Variants in NCOA6 observed in about 807,000 individuals in gnomAD.
NCOA6 encodes nuclear receptor coactivator 6, also known as NRC RAP250.
A neutral mutation model predicts 171.4 loss-of-function variants in NCOA6; 49 were observed. That is an observed-to-expected ratio of 0.29 (90% CI 0.23 to 0.36). The LOEUF (loss-of-function observed/expected upper bound fraction) is 0.36, where lower values mean the gene tolerates loss of function less well. Ranked by LOEUF, NCOA6 falls within the 10% of genes least tolerant of loss-of-function variation. The pLI is 1.00. For missense variants in NCOA6, 2,248 were observed against 2,554.5 expected, an observed-to-expected ratio of 0.88 and a Z score of 2.59; for synonymous variants, 910 against 927.5, an observed-to-expected ratio of 0.98 and a Z score of 0.34.
rs1368181498 is a variant in NCOA6, at chr20:34,804,648, A to C, written c.-163-12085T>G. Among the ~76,000 whole-genome samples, 11 of 152,088 alleles carry C rather than the reference A, an allele frequency of 7.2e-5. No individual in the cohort carries two copies. In the East Asian group the frequency reaches 2.1e-3, roughly 29 times the overall value. On this transcript the variant is annotated intron_variant, in intron 1 of 14. Transcript: ENST00000359003. ...ATATTTAACATCATGAGCAATATTT[A>C]TATTTTAAATATAAAATATATAAAA... is the stretch of plus-strand genomic sequence containing the variant.
intron 14 of NCOA6, among the ~76,000 whole-genome samples, chr20:34,717,837 C>G (rs533855251): frequency 6.6e-6 from 1 of 152,336 alleles, no homozygotes; most frequent in Non-Finnish European, 1.5e-5. Flanking sequence ...TGTTCATCCT[C>G]AGCAAAACAT....
At chr20:34,822,702 CACAGT>C (rs1406256324) in intron 1 of NCOA6, among the ~76,000 whole-genome samples, 1 of 152,168 alleles carries the variant, frequency 6.6e-6, no homozygotes, top group Non-Finnish European at 1.5e-5. Flanking sequence ...TGCCTTGAGG[CACAGT>C]AAACGTTTGC....
At chr20:34,756,417 G>A (rs2076643425) in intron 7 of NCOA6, among the ~76,000 whole-genome samples, 1 of 152,174 alleles carries the variant, frequency 6.6e-6, no homozygotes, top group South Asian at 2.1e-4. Flanking sequence ...TAGGCAATGG[G>A]TGTCTTTTGG....
chr20:34,823,852 G>A (rs183855930), intron 1 of NCOA6, among the ~76,000 whole-genome samples: 1 of 152,282 alleles, frequency 6.6e-6, no homozygotes, highest in Admixed American at 6.5e-5. Flanking sequence ...ACAAGTACAA[G>A]CCACATCAGG....
chr20:34,790,161 C>T, intron 2 of NCOA6, among the ~76,000 whole-genome samples: 1 of 151,378 alleles, frequency 6.6e-6, no homozygotes, highest in East Asian at 1.9e-4. Context: ...ACTCAAATGT[C>T]CATTAACAGG....
At chr20:34,769,765 A>T (rs1009753294) in intron 4 of NCOA6, among the ~76,000 whole-genome samples, 2 of 152,214 alleles carry the variant, frequency 1.3e-5, no homozygotes, top group Non-Finnish European at 2.9e-5. Context: ...CTTAGAGGCA[A>T]CTTAAATCTT....
chr20:34,820,378 A>G (rs1568907148), intron 1 of NCOA6: 1 of 152,142 alleles, frequency 6.6e-6, no homozygotes, highest in Non-Finnish European at 1.5e-5. Flanking sequence ...CCCTGCCTCA[A>G]AACAAAGAAT....
At chr20:34,815,693 C>T (rs2078812621) in intron 1 of NCOA6, among the ~76,000 whole-genome samples, 1 of 152,034 alleles carries the variant, frequency 6.6e-6, no homozygotes, top group Non-Finnish European at 1.5e-5. Flanking sequence ...ATGTATCTCT[C>T]AATGCCCACA....
Position 34,757,678 on chromosome 20 carries a change from A to G in NCOA6, c.1070T>C (p.Leu357Pro), listed in dbSNP as rs776731432. 14 of 1,613,998 alleles carry G rather than the reference A, an allele frequency of 8.7e-6. No homozygotes were observed. The highest frequency in any genetic ancestry group is 1.2e-5 in the Non-Finnish European group (14 of 1,179,988). ...CGTGGCTAAGGATGGTCTTGCCTGG[A>G]GTTGCTGTTGCATTGGGCCGGGCAA... is the stretch of plus-strand genomic sequence containing the variant. ...APLPGPMQQQ[L>P]QARPSLATVQ... The change falls in exon 7 of 15, where the codon CTC (leucine) becomes CCC (proline). Residue 357 changes from leucine (L) to proline (P), a missense_variant. Leu to Pro is a moderately conservative substitution (Grantham distance 98). Around this residue, in one of 7 missense-constraint regions of NCOA6, gnomAD observed 987 missense variants for 1,104.7 expected, o/e 0.89. Coordinates refer to ENST00000359003, the MANE Select transcript of NCOA6 (RefSeq NM_014071.5).
intron 14 of NCOA6, among the ~76,000 whole-genome samples, chr20:34,722,684 G>GAAAAA (rs112692497): frequency 0.015 from 1,329 of 90,442 alleles, 35 homozygotes; most frequent in African/African-American, 0.049. Flanking sequence ...TGTCTCAAAT[G>GAAAAA]AAAAAAAAAA....
At chr20:34,770,080 G>A (rs549887404) in intron 4 of NCOA6, among the ~76,000 whole-genome samples, 7 of 149,842 alleles carry the variant, frequency 4.7e-5, no homozygotes, top group South Asian at 2.1e-4. Flanking sequence ...TCGCTCTGTC[G>A]CCAGGCTGAA....
In NCOA6 at chr20:34,741,145, T is replaced by C; in HGVS notation, c.5111A>G (p.Gln1704Arg). The part of the protein sequence containing the change: ...VAVVGPLHIP[Q>R]NIKFSSAPVP... The stretch of plus-strand genomic sequence containing the variant: ...AGGAGCAGAAGAAAATTTTATGTTC[T>C]GAGGTATGTGTAAAGGGCCAACAAC... Residue 1704 changes from glutamine to arginine, a missense_variant, in exon 11 of 15, where the codon CAG (glutamine) becomes CGG (arginine). By Grantham distance (43) the Gln-to-Arg change is conservative. This residue lies in a region of NCOA6 where 884 missense variants were observed against 941.9 expected (regional missense o/e 0.94). Coordinates refer to ENST00000359003, the MANE Select transcript of NCOA6 (RefSeq NM_014071.5). 1.2e-6 allele frequency: 2 copies of C among 1,614,228 alleles called. No homozygotes were observed. Among genetic ancestry groups the C allele is most frequent in the South Asian group, 2.2e-5 (2 of 91,084 alleles).
intron 11 of NCOA6, among the ~76,000 whole-genome samples, chr20:34,738,287 T>C (rs963543574): frequency 6.6e-6 from 1 of 152,298 alleles, no homozygotes; most frequent in South Asian, 2.1e-4. Flanking sequence ...TGAGTGTTCT[T>C]AACTAAAATT....
intron 13 of NCOA6, among the ~76,000 whole-genome samples, chr20:34,730,315 A>C (rs2145360857): frequency 1.3e-5 from 2 of 151,774 alleles, no homozygotes; most frequent in Middle Eastern, 6.8e-3. Flanking sequence ...GGCAACTCCT[A>C]AGCTCAAGCA....
intron 1 of NCOA6, among the ~76,000 whole-genome samples, chr20:34,818,198 T>A (rs1054783922): frequency 6.6e-6 from 1 of 152,096 alleles, no homozygotes; most frequent in Non-Finnish European, 1.5e-5. Flanking sequence ...ATGCAAAAAA[T>A]GTGAGCCATT....
chr20:34,797,966 G>A (rs180737114), intron 1 of NCOA6, among the ~76,000 whole-genome samples: 11 of 152,206 alleles, frequency 7.2e-5, no homozygotes, highest in East Asian at 1.9e-4. Flanking sequence ...GCAGGCTCTC[G>A]GGGTCCCCAA....
At chr20:34,795,053 T>C (rs570169967) in intron 1 of NCOA6, among the ~76,000 whole-genome samples, 1 of 152,308 alleles carries the variant, frequency 6.6e-6, no homozygotes, top group East Asian at 1.9e-4. Context: ...TCATCCTCGG[T>C]AGAGCGGCAA....
At chr20:34,815,748 G>T (rs957642572) in intron 1 of NCOA6, among the ~76,000 whole-genome samples, 2 of 152,080 alleles carry the variant, frequency 1.3e-5, no homozygotes, top group African/African-American at 4.8e-5. Flanking sequence ...CTCAAAGTTT[G>T]TTGTTTTACA....
chr20:34,774,559 A>C (rs1450846559), intron 4 of NCOA6, among the ~76,000 whole-genome samples: 1 of 152,200 alleles, frequency 6.6e-6, no homozygotes, highest in East Asian at 1.9e-4. Flanking sequence ...TCACTCCTAT[A>C]AACAAAATGA....
Sources: gnomAD v4.1 joint callset for allele counts (sites outside exome capture counted in the v4.1 genomes callset) on GRCh38, gnomAD v4.1.1 for gene constraint, gnomAD v4.1.1 regional missense constraint, MANE v1.5 for transcripts, NCBI Gene and HGNC (gene_info 2026-07-23, HGNC 2026-07-21) for gene names.